Variants in ZNF714 observed in about 807,000 individuals in gnomAD.
ZNF714 encodes the protein zinc finger protein 714.
In ZNF714, 32 loss-of-function variants were observed where a neutral mutation model predicts 46.2. That is an observed-to-expected ratio of 0.69 (90% CI 0.52 to 0.93). The LOEUF (loss-of-function observed/expected upper bound fraction) is 0.93. Ranked by LOEUF, ZNF714 falls within the 40% of genes least tolerant of loss-of-function variation. ZNF714 has a pLI of 0.00. For synonymous variants in ZNF714, 199 were observed against 213.1 expected (o/e 0.93, Z 0.58); for missense variants, 635 against 646.3 (o/e 0.98, Z 0.19).
chr19:21,112,784 C>T (rs1305990789), intron 4 of ZNF714, among the ~76,000 whole-genome samples: 3 of 121,448 alleles, frequency 2.5e-5, no homozygotes, highest in African/African-American at 8.9e-5. Context: ...TCTCTTCATT[C>T]TCATTGGTTT....
At chr19:21,083,647 A>C (rs1968709980) in intron 1 of ZNF714, among the ~76,000 whole-genome samples, 2 of 152,086 alleles carry the variant, frequency 1.3e-5, no homozygotes, top group South Asian at 4.1e-4. Context: ...TTTTTGACAA[A>C]GCTTTAAATG....
At chr19:21,093,557 T>G (rs34221940) in intron 2 of ZNF714, among the ~76,000 whole-genome samples, 1 of 152,074 alleles carries the variant, frequency 6.6e-6, no homozygotes, top group Non-Finnish European at 1.5e-5. Context: ...TGTTTTTTTG[T>G]TTTTTTATTG....
intron 4 of ZNF714, among the ~76,000 whole-genome samples, chr19:21,105,273 G>A (rs532237110): frequency 2.6e-5 from 4 of 151,748 alleles, no homozygotes; most frequent in African/African-American, 4.8e-5. Flanking sequence ...CACCCGCCTC[G>A]GCCTCTCAAA....
At chr19:21,104,350 C>T (rs1423167014) in intron 4 of ZNF714, among the ~76,000 whole-genome samples, 1 of 152,010 alleles carries the variant, frequency 6.6e-6, no homozygotes, top group East Asian at 1.9e-4. Flanking sequence ...CATGGATGTT[C>T]GAATTTGTGT....
chr19:21,088,077 G>A (rs1325753154), intron 2 of ZNF714, among the ~76,000 whole-genome samples: 3 of 152,148 alleles, frequency 2.0e-5, no homozygotes, highest in Admixed American at 6.5e-5. Flanking sequence ...TGGCTAACTT[G>A]ATGTGTCCCA....
In ZNF714 at chr19:21,082,313, A is replaced by G; in HGVS notation, c.-212A>G. The G allele has an allele frequency of 1.2e-5, 18 of 1,452,886 alleles. No individual in the cohort carries two copies. Among genetic ancestry groups the G allele is most frequent in the Non-Finnish European group, 1.7e-5 (18 of 1,074,748 alleles). 90.0% of individuals were successfully genotyped at this position (1,452,886 alleles called of 1,614,324 possible). A position where few individuals can be genotyped will look rare whatever the true frequency, so the allele number is the denominator to read the frequency against. On this transcript the variant is annotated 5_prime_UTR_variant, in exon 1 of 5. Transcript: ENST00000456283. ...GACCTGCAGGTATTGAGAGATCCAC[A>G]GCTAAGACGCCAGGTACCCCGGAAG...
In ZNF714 at chr19:21,098,125, T is replaced by C. The variant is rs746449168; in HGVS notation, c.-84-60T>C. 282 of 1,536,486 alleles carry C rather than the reference T, an allele frequency of 1.8e-4. 1 individual carries two copies. The highest frequency in any genetic ancestry group is 2.4e-4 in the Non-Finnish European group (271 of 1,149,434). Reference sequence around the variant, plus strand: ...TCTCATTTCACCTTAATTCAAATAATAAATTCTGCCCATGGCCACTTGGTA... The same window carrying C: ...TCTCATTTCACCTTAATTCAAATAACAAATTCTGCCCATGGCCACTTGGTA... On this transcript the variant is annotated intron_variant, in intron 2 of 4. Transcript: ENST00000456283.
At chr19:21,090,666 C>A (rs1368412575) in intron 2 of ZNF714, among the ~76,000 whole-genome samples, 4 of 151,996 alleles carry the variant, frequency 2.6e-5, no homozygotes, top group Non-Finnish European at 5.9e-5. Flanking sequence ...AAGTTCTGTT[C>A]CAGACCCCAA....
At chr19:21,083,539 C>T (rs1968706212) in intron 1 of ZNF714, among the ~76,000 whole-genome samples, 1 of 152,216 alleles carries the variant, frequency 6.6e-6, no homozygotes, top group Non-Finnish European at 1.5e-5. Flanking sequence ...TTTCCAGTTC[C>T]TCCTGGCATT....
intron 3 of ZNF714, 110 bp downstream of exon 3, chr19:21,098,421 C>A: frequency 7.5e-7 from 1 of 1,338,322 alleles, no homozygotes; most frequent in East Asian, 2.4e-5. Flanking sequence ...AGTTTCTGAT[C>A]CCAGTTTTCA....
At chr19:21,098,059 A>T (rs574308231) in intron 2 of ZNF714, 126 bp from the exon 3 acceptor site, 1 of 1,354,694 alleles carries the variant, frequency 7.4e-7, no homozygotes, top group Admixed American at 3.0e-5. Flanking sequence ...ATTATTGGAT[A>T]ATTTCAGTTA....
chr19:21,107,642 A>G (rs1211791971), intron 4 of ZNF714, among the ~76,000 whole-genome samples: 2 of 139,612 alleles, frequency 1.4e-5, no homozygotes, highest in Non-Finnish European at 2.9e-5. Context: ...AACAAAATTA[A>G]TTTTATTGAC....
At chr19:21,086,612 C>T (rs1395315797) in intron 2 of ZNF714, among the ~76,000 whole-genome samples, 2 of 152,114 alleles carry the variant, frequency 1.3e-5, no homozygotes, top group Admixed American at 1.3e-4. Context: ...TATTTGACTT[C>T]TTTACTGCAA....
chr19:21,118,368 T>A lies in ZNF714; in HGVS notation c.*36T>A. On this transcript the variant is annotated 3_prime_UTR_variant, in exon 5 of 5. Coordinates refer to ENST00000456283, the MANE Select transcript of ZNF714 (RefSeq NM_182515.4). Reference sequence around the variant, plus strand: ...TTGGGAGGCAGAGGCAGGAGAATCATTTGAACCTGGGAGGCAGAGGTTGCA... The same window carrying A: ...TTGGGAGGCAGAGGCAGGAGAATCAATTGAACCTGGGAGGCAGAGGTTGCA... 1 of 613,296 alleles carries A rather than the reference T, an allele frequency of 1.6e-6. No homozygotes were observed. The highest frequency in any genetic ancestry group is 2.7e-6 in the Non-Finnish European group (1 of 373,684). 38.0% of individuals were successfully genotyped at this position (613,296 alleles called of 1,614,324 possible).
Position 21,124,293 on chromosome 19 carries a change from T to C in ZNF714, c.*5961T>C, listed in dbSNP as rs921748701. On this transcript the variant is annotated 3_prime_UTR_variant, in exon 5 of 5. Coordinates refer to ENST00000456283, the MANE Select transcript of ZNF714 (RefSeq NM_182515.4). ...TTCTTATTCTATAACATTTTGAAAA[T>C]ATTTTCTCTTGACAGATAAAAATGT... 6.6e-6 allele frequency: 1 copy of C among 152,186 alleles called. No homozygotes were observed. The highest frequency in any genetic ancestry group is 1.5e-5 in the Non-Finnish European group (1 of 68,030). The allele number at this position is 152,186 out of a possible 1,614,324, so 9.4% of individuals were successfully genotyped here. A position where few individuals can be genotyped will look rare whatever the true frequency, so the allele number is the denominator to read the frequency against.
At chr19:21,105,659 T>C (rs1479335925) in intron 4 of ZNF714, among the ~76,000 whole-genome samples, 1 of 152,134 alleles carries the variant, frequency 6.6e-6, no homozygotes, top group Non-Finnish European at 1.5e-5. Flanking sequence ...AGCATTTTAT[T>C]TGAAATATTT....
intron 2 of ZNF714, among the ~76,000 whole-genome samples, chr19:21,095,675 C>T (rs1422446915): frequency 6.6e-6 from 1 of 151,836 alleles, no homozygotes. Flanking sequence ...ACTGTGGTCT[C>T]GATCTCCTGA....
chr19:21,118,715 GACATA>G lies in ZNF714; in HGVS notation c.*390_*394del. On this transcript the variant is annotated 3_prime_UTR_variant, in exon 5 of 5. Transcript: ENST00000456283. ...TTTAACAAGCCCTCAATTCTTAACA[GACATA>G]ACATAATTCATACTGGAAAGAAACT... 4.8e-6 allele frequency: 1 copy of G among 210,224 alleles called. No homozygotes were observed. Among genetic ancestry groups the G allele is most frequent in the South Asian group, 7.0e-5 (1 of 14,316 alleles). The allele number at this position is 210,224 out of a possible 1,614,324, so 13.0% of individuals were successfully genotyped here.
In ZNF714 at chr19:21,087,222, C is replaced by CAA. The variant is rs57295093; in HGVS notation, c.-85+3176_-85+3177dup. On this transcript the variant is annotated intron_variant, in intron 2 of 4. Coordinates refer to ENST00000456283, the MANE Select transcript of ZNF714 (RefSeq NM_182515.4). ...TGGGAAAGTCTTAGGGCAGTCTCAG[C>CAA]AAAAAAAAAAAAAAAAAAAAAAAAC... Among the ~76,000 whole-genome samples, 114 of 92,122 alleles carry CAA rather than the reference C, an allele frequency of 1.2e-3. 1 individual carries two copies. Among genetic ancestry groups the CAA allele is most frequent in the African/African-American group, 4.0e-3 (91 of 22,984 alleles). 60.4% of individuals were successfully genotyped at this position (92,122 alleles called of 152,430 possible).
Sources: allele counts gnomAD v4.1 joint callset (sites outside exome capture counted in the v4.1 genomes callset), GRCh38; gene constraint gnomAD v4.1.1; transcripts MANE v1.5; gene names NCBI Gene and HGNC (gene_info 2026-07-23, HGNC 2026-07-21).